MAN1B1: variants seen among roughly 807,000 people sequenced by gnomAD.
MAN1B1 encodes endoplasmic reticulum mannosyl-oligosaccharide 1,2-alpha-mannosidase.
A neutral mutation model predicts 75.5 loss-of-function variants in MAN1B1; 66 were observed. The observed-to-expected ratio is 0.87, with a 90% CI of 0.72 to 1.07. The LOEUF is 1.07. Ranked by LOEUF, MAN1B1 falls within the 50% of genes least tolerant of loss-of-function variation. The pLI, the probability that MAN1B1 is intolerant of heterozygous loss-of-function variation, is 0.00. For synonymous variants in MAN1B1, 453 were observed against 382.8 expected (o/e 1.18, Z -2.14); for missense variants, 973 against 912.5 (o/e 1.07, Z -0.85).
chr9:137,107,119 GC>G (rs1831139399), intron 10 of MAN1B1, 130 bp from the exon 11 acceptor site: 1 of 970,204 alleles, frequency 1.0e-6, no homozygotes, highest in Non-Finnish European at 1.5e-6. Context: ...CATGCCAAGT[GC>G]CCTCGCGTGG....
At chr9:137,093,848 A>C (rs1830584447) in intron 3 of MAN1B1, among the ~76,000 whole-genome samples, 1 of 151,914 alleles carries the variant, frequency 6.6e-6, no homozygotes, top group South Asian at 2.1e-4. Context: ...AAAAGAGAAA[A>C]GATTTAAGTT....
chr9:137,092,807 G>A (rs1408988697), intron 3 of MAN1B1, among the ~76,000 whole-genome samples: 1 of 152,186 alleles, frequency 6.6e-6, no homozygotes, highest in Non-Finnish European at 1.5e-5. Context: ...TGCTTTTCGT[G>A]GATGCTTGTG....
chr9:137,092,867 G>A (rs1830550463), intron 3 of MAN1B1, among the ~76,000 whole-genome samples: 1 of 152,146 alleles, frequency 6.6e-6, no homozygotes, highest in African/African-American at 2.4e-5. Context: ...GGTGATGAAC[G>A]GCCCTATGTG....
At chr9:137,105,241 T>C (rs1831051044) in intron 8 of MAN1B1, 1 of 152,938 alleles carries the variant, frequency 6.5e-6, no homozygotes, top group Non-Finnish European at 1.5e-5. Context: ...CTCATGTATT[T>C]GGCCTCATGT....
intron 3 of MAN1B1, among the ~76,000 whole-genome samples, chr9:137,093,403 C>T (rs1212717882): frequency 1.3e-5 from 2 of 152,022 alleles, no homozygotes; most frequent in African/African-American, 2.4e-5. Context: ...AAAGTGATCT[C>T]CATCACAATC....
chr9:137,096,505 A>T, intron 4 of MAN1B1, 114 bp downstream of exon 4: 2 of 1,364,318 alleles, frequency 1.5e-6, no homozygotes, highest in Non-Finnish European at 2.0e-6. Flanking sequence ...CTGACAGTGT[A>T]TGCTCTGTAA....
intron 12 of MAN1B1, chr9:137,108,105 C>CTGCCCTGTGCCCTG (rs907349561): frequency 1.9e-4 from 117 of 607,110 alleles, no homozygotes; most frequent in African/African-American, 1.6e-3. Flanking sequence ...CTCCCACCGT[C>CTGCCCTGTGCCCTG]TGCCCTGTGC....
intron 8 of MAN1B1, chr9:137,103,294 G>GTGT (rs201597653): frequency 2.3e-5 from 9 of 392,606 alleles, no homozygotes; most frequent in African/African-American, 9.3e-5. Flanking sequence ...CAGGTCGGTG[G>GTGT]TACATTCATG....
rs1484450866 is a variant in MAN1B1 at position 137,109,093 on chromosome 9, C to T, written c.*502C>T. 2.2e-6 allele frequency: 1 copy of T among 455,560 alleles called. No individual in the cohort carries two copies. 28.2% of individuals were successfully genotyped at this position (455,560 alleles called of 1,614,324 possible). A position where few individuals can be genotyped will look rare whatever the true frequency, so the allele number is the denominator to read the frequency against. On this transcript the variant is annotated 3_prime_UTR_variant, in exon 13 of 13. Transcript: ENST00000371589. ...ATCCTCCTGGCCGCCCCGCAGGGGG[C>T]TTGGAGGGCTGGACGGCAAGTCCGT...
intron 12 of MAN1B1, chr9:137,108,018 T>G (rs2131133759): frequency 3.2e-6 from 2 of 615,832 alleles, no homozygotes; most frequent in East Asian, 5.5e-5. Flanking sequence ...AGGCCCTGTT[T>G]TAGGTCACGC....
intron 12 of MAN1B1, 118 bp downstream of exon 12, chr9:137,107,780 C>T (rs543167670): frequency 2.1e-5 from 31 of 1,485,730 alleles, no homozygotes; most frequent in African/African-American, 2.8e-5. Context: ...CCGGGAGGGG[C>T]GGGCTTGCCG....
At chr9:137,093,309 G>A (rs1027550741) in intron 3 of MAN1B1, among the ~76,000 whole-genome samples, 18 of 152,180 alleles carry the variant, frequency 1.2e-4, no homozygotes, top group Admixed American at 9.8e-4. Context: ...CCTGAACTGG[G>A]AGGTGGAGGC....
rs768668369 is a variant in MAN1B1 at position 137,106,046 on chromosome 9, G to C, written c.1255-79G>C. On this transcript the variant is annotated intron_variant, in intron 8 of 12. Coordinates refer to ENST00000371589, the MANE Select transcript of MAN1B1 (RefSeq NM_016219.5). ...GTCGGTGCTGGGGCGAGGGGAGGCA[G>C]AGCTCACAGAGCCCCTCTACAGCTC... 8.7e-6 allele frequency: 10 copies of C among 1,143,710 alleles called. No individual in the cohort carries two copies. In the South Asian group the frequency reaches 1.3e-4, roughly 15 times the overall value. The allele number at this position is 1,143,710 out of a possible 1,614,324, so 70.8% of individuals were successfully genotyped here. A position where few individuals can be genotyped will look rare whatever the true frequency, so the allele number is the denominator to read the frequency against.
chr9:137,108,154 C>T, intron 12 of MAN1B1: 1 of 613,372 alleles, frequency 1.6e-6, no homozygotes, highest in Non-Finnish European at 2.9e-6. Context: ...CCCCTGAGCC[C>T]AGGTTCTGGG....
At chr9:137,098,022 G>T in intron 5 of MAN1B1, 85 bp downstream of exon 5, 1 of 1,068,632 alleles carries the variant, frequency 9.4e-7, no homozygotes, top group Non-Finnish European at 1.4e-6. Context: ...GCCATGGTGG[G>T]TGGCGCCCCC....
intron 10 of MAN1B1, 99 bp from the exon 11 acceptor site, chr9:137,107,151 G>T: frequency 7.5e-7 from 1 of 1,332,740 alleles, no homozygotes; most frequent in South Asian, 1.3e-5. Flanking sequence ...CAGGGTACCA[G>T]GGCCGAGGCA....
intron 8 of MAN1B1, chr9:137,104,171 T>C (rs549912680): frequency 2.3e-6 from 1 of 426,486 alleles, no homozygotes; most frequent in East Asian, 7.1e-5. Flanking sequence ...CTGTTCAGGT[T>C]TTTCTTCCTG....
intron 4 of MAN1B1, among the ~76,000 whole-genome samples, chr9:137,096,692 G>A (rs909422875): frequency 6.6e-6 from 1 of 152,220 alleles, no homozygotes; most frequent in Non-Finnish European, 1.5e-5. Flanking sequence ...GTGGACGCTG[G>A]CTGCCTGGGC....
At chr9:137,090,589 G>C (rs977008503) in intron 3 of MAN1B1, among the ~76,000 whole-genome samples, 8 of 151,938 alleles carry the variant, frequency 5.3e-5, no homozygotes, top group African/African-American at 1.9e-4. Context: ...GCCCAGGCTG[G>C]AGTGCAGTGG....
Sources: allele counts gnomAD v4.1 joint callset (sites outside exome capture counted in the v4.1 genomes callset), GRCh38; gene constraint gnomAD v4.1.1; transcripts MANE v1.5; gene names NCBI Gene and HGNC (gene_info 2026-07-23, HGNC 2026-07-21).